RBFOX1: variants seen among roughly 807,000 people sequenced by gnomAD.
RBFOX1 encodes RNA binding fox-1 homolog 1, also known as RNA binding protein fox-1 homolog 1.
In RBFOX1, 8 loss-of-function variants were observed where a neutral mutation model predicts 57.7. The ratio of observed to expected loss-of-function variants is 0.14; its 90% CI spans 0.08 to 0.25. The LOEUF is 0.25. RBFOX1 is among the 10% of genes least tolerant of loss of function. The pLI, the probability that RBFOX1 is intolerant of heterozygous loss-of-function variation, is 1.00. For missense variants in RBFOX1, 611 were observed against 548.5 expected (o/e 1.11, Z -1.14); for synonymous variants, 326 against 222.4 (o/e 1.47, Z -4.15).
chr16:7,618,594 T>C (rs2058831736), intron 10 of RBFOX1, among the ~76,000 whole-genome samples: 1 of 152,318 alleles, frequency 6.6e-6, no homozygotes, highest in South Asian at 2.1e-4. Context: ...TGAAAGACTT[T>C]TTGCTTCCCA....
At chr16:6,690,603 A>T (rs2060065865) in intron 3 of RBFOX1, among the ~76,000 whole-genome samples, 1 of 152,182 alleles carries the variant, frequency 6.6e-6, no homozygotes, top group East Asian at 1.9e-4. Flanking sequence ...ATTATTTAGT[A>T]AGACCAAGCA....
chr16:5,273,976 G>A (rs2151130703), intron 1 of RBFOX1, among the ~76,000 whole-genome samples: 1 of 152,288 alleles, frequency 6.6e-6, no homozygotes, highest in African/African-American at 2.4e-5. Flanking sequence ...AAATAGGAAT[G>A]TGACATTTCC....
chr16:6,703,261 A>G (rs1401527346), intron 3 of RBFOX1, among the ~76,000 whole-genome samples: 1 of 151,942 alleles, frequency 6.6e-6, no homozygotes, highest in Non-Finnish European at 1.5e-5. Context: ...ATTATTACAG[A>G]GCTGTTAATT....
intron 1 of RBFOX1, among the ~76,000 whole-genome samples, chr16:5,452,386 G>A (rs2068454496): frequency 6.6e-6 from 1 of 151,996 alleles, no homozygotes; most frequent in Non-Finnish European, 1.5e-5. Context: ...TGGGGTTACA[G>A]GGGTGAGTTA....
chr16:6,588,987 C>T (rs1600745643), intron 2 of RBFOX1, among the ~76,000 whole-genome samples: 1 of 152,114 alleles, frequency 6.6e-6, no homozygotes, highest in East Asian at 1.9e-4. Context: ...TTTGATACTA[C>T]CTAACTATCC....
intron 1 of RBFOX1, among the ~76,000 whole-genome samples, chr16:5,314,752 TG>T (rs2064185793): frequency 6.6e-6 from 1 of 151,628 alleles, no homozygotes; most frequent in South Asian, 2.1e-4. Context: ...CCTCCTGCTT[TG>T]GCCTCTCAAA....
intron 2 of RBFOX1, among the ~76,000 whole-genome samples, chr16:6,598,836 C>T (rs1166691861): frequency 6.6e-6 from 1 of 151,344 alleles, no homozygotes; most frequent in Non-Finnish European, 1.5e-5. Context: ...GTCCCAGCTA[C>T]TCGGGAGGCT....
At chr16:5,259,741 T>C (rs1479211184) in intron 1 of RBFOX1, among the ~76,000 whole-genome samples, 4 of 152,192 alleles carry the variant, frequency 2.6e-5, no homozygotes, top group African/African-American at 9.7e-5. Context: ...GGTCTTGCCC[T>C]GAAATGGAGC....
intron 4 of RBFOX1, among the ~76,000 whole-genome samples, chr16:7,383,227 A>G (rs1308817415): frequency 6.6e-6 from 1 of 151,920 alleles, no homozygotes; most frequent in African/African-American, 2.4e-5. Context: ...CATCTCATGT[A>G]TCCCATAAAC....
chr16:5,609,828 G>A (rs534400843), intron 3 of RBFOX1, among the ~76,000 whole-genome samples: 132 of 151,804 alleles, frequency 8.7e-4, no homozygotes, highest in African/African-American at 3.1e-3. Flanking sequence ...TAGGAGCTGC[G>A]GAGAGGGTAG....
At chr16:7,118,627 A>G (rs147105990) in intron 4 of RBFOX1, among the ~76,000 whole-genome samples, 133 of 152,224 alleles carry the variant, frequency 8.7e-4, no homozygotes, top group African/African-American at 2.5e-3. Context: ...CACTTATCTT[A>G]TCACCTCTGT....
chr16:6,721,444 A>G (rs2065977205), intron 3 of RBFOX1, among the ~76,000 whole-genome samples: 3 of 152,098 alleles, frequency 2.0e-5, no homozygotes, highest in Admixed American at 2.0e-4. Context: ...CTCTGTCTCA[A>G]AAACAACAAC....
intron 1 of RBFOX1, among the ~76,000 whole-genome samples, chr16:5,395,977 G>C (rs960085969): frequency 2.0e-5 from 3 of 152,196 alleles, no homozygotes; most frequent in African/African-American, 7.2e-5. Context: ...TAAGCCTGTG[G>C]GCTCAACAGC....
At chr16:6,432,772 G>A (rs1229989069) in intron 2 of RBFOX1, among the ~76,000 whole-genome samples, 1 of 152,124 alleles carries the variant, frequency 6.6e-6, no homozygotes. Flanking sequence ...GAGGTCGGGA[G>A]TTCGAGACCA....
chr16:7,632,268 C>T (rs1250150408), intron 11 of RBFOX1, among the ~76,000 whole-genome samples: 2 of 152,166 alleles, frequency 1.3e-5, no homozygotes, highest in African/African-American at 4.8e-5. Flanking sequence ...TTTTTCTGTG[C>T]CTCCCAAGAA....
At chr16:6,394,553 C>T (rs568214935) in intron 2 of RBFOX1, among the ~76,000 whole-genome samples, 7 of 151,292 alleles carry the variant, frequency 4.6e-5, no homozygotes, top group African/African-American at 1.2e-4. Context: ...GCAAAAGAAA[C>T]GAGCTAGAAT....
intron 3 of RBFOX1, among the ~76,000 whole-genome samples, chr16:5,786,877 T>C (rs1271220125): frequency 2.0e-5 from 3 of 152,186 alleles, no homozygotes; most frequent in Admixed American, 1.3e-4. Flanking sequence ...AGCTTGCGCC[T>C]GTAATCCCAG....
At chr16:6,379,950 A>C (rs1369153538) in intron 2 of RBFOX1, among the ~76,000 whole-genome samples, 3 of 152,198 alleles carry the variant, frequency 2.0e-5, no homozygotes, top group Admixed American at 6.5e-5. Flanking sequence ...GGGGGTGTCC[A>C]CATGATACAG....
chr16:6,620,999 A>G (rs917042551), intron 2 of RBFOX1, among the ~76,000 whole-genome samples: 2 of 152,206 alleles, frequency 1.3e-5, no homozygotes, highest in African/African-American at 4.8e-5. Flanking sequence ...GTTGATTCCT[A>G]CTAGAGGCTT....
Sources: allele counts gnomAD v4.1 joint callset (sites outside exome capture counted in the v4.1 genomes callset), GRCh38; gene constraint gnomAD v4.1.1; transcripts MANE v1.5; gene names NCBI Gene and HGNC (gene_info 2026-07-23, HGNC 2026-07-21).